Variants in ATP8A2 observed in about 807,000 individuals in gnomAD.
ATP8A2 encodes phospholipid-transporting ATPase IB.
In ATP8A2, 100 loss-of-function variants were observed where a neutral mutation model predicts 165.6. That is an observed-to-expected ratio of 0.60 (90% CI 0.51 to 0.71). ATP8A2 has a LOEUF of 0.71. Among genes scored for constraint, ATP8A2 ranks in the 30% least tolerant of loss-of-function variants. The pLI, the probability that ATP8A2 is intolerant of heterozygous loss-of-function variation, is 0.00. For synonymous variants in ATP8A2, 543 were observed against 548.8 expected (o/e 0.99, Z 0.15); for missense variants, 1,227 against 1,479.5 (o/e 0.83, Z 2.80).
intron 2 of ATP8A2, among the ~76,000 whole-genome samples, chr13:25,506,937 G>GCACATATATA (rs1234014087): frequency 1.5e-5 from 1 of 66,418 alleles, no homozygotes; most frequent in Admixed American, 1.4e-4. Flanking sequence ...ATACAGTACA[G>GCACATATATA]TACATATATA....
At chr13:25,748,541 C>T (rs2044085548) in intron 25 of ATP8A2, among the ~76,000 whole-genome samples, 1 of 152,212 alleles carries the variant, frequency 6.6e-6, no homozygotes, top group East Asian at 1.9e-4. Context: ...TCCTGATGCA[C>T]ACCATACTGG....
intron 25 of ATP8A2, among the ~76,000 whole-genome samples, chr13:25,762,535 T>C (rs927972143): frequency 5.3e-5 from 8 of 152,172 alleles, no homozygotes; most frequent in South Asian, 2.1e-4. Context: ...TGCACACTAA[T>C]AGCCTGCTCC....
At chr13:25,474,732 T>C (rs1403818935) in intron 2 of ATP8A2, among the ~76,000 whole-genome samples, 1 of 152,072 alleles carries the variant, frequency 6.6e-6, no homozygotes, top group Non-Finnish European at 1.5e-5. Context: ...AGGTTCGGGA[T>C]ATGTGTGCAG....
chr13:25,716,732 C>T (rs537721142), intron 25 of ATP8A2, among the ~76,000 whole-genome samples: 3 of 152,204 alleles, frequency 2.0e-5, no homozygotes, highest in African/African-American at 7.2e-5. Flanking sequence ...AAACATTGTT[C>T]CAGGCACTGG....
At chr13:25,533,473 T>C (rs530403564) in intron 6 of ATP8A2, among the ~76,000 whole-genome samples, 160 bp downstream of exon 6, 1 of 152,326 alleles carries the variant, frequency 6.6e-6, no homozygotes, top group Admixed American at 6.5e-5. Flanking sequence ...TTGCACCTTC[T>C]AGTAAGGGCC....
At chr13:25,596,608 T>C (rs2040242571) in intron 24 of ATP8A2, among the ~76,000 whole-genome samples, 1 of 152,210 alleles carries the variant, frequency 6.6e-6, no homozygotes, top group Non-Finnish European at 1.5e-5. Flanking sequence ...TGTTCATTCC[T>C]TTTTTCGCTG....
At chr13:25,745,263 A>T (rs773778187) in intron 25 of ATP8A2, among the ~76,000 whole-genome samples, 26 of 152,080 alleles carry the variant, frequency 1.7e-4, no homozygotes, top group Non-Finnish European at 3.4e-4. Flanking sequence ...GACTCGGCTT[A>T]GGAATTTGGA....
At chr13:25,404,398 G>A (rs1210883140) in intron 1 of ATP8A2, among the ~76,000 whole-genome samples, 1 of 152,208 alleles carries the variant, frequency 6.6e-6, no homozygotes, top group Admixed American at 6.5e-5. Flanking sequence ...CACCTGCAGG[G>A]TGGTGAAGAT....
intron 2 of ATP8A2, among the ~76,000 whole-genome samples, chr13:25,510,432 A>G (rs1369263488): frequency 6.6e-6 from 1 of 152,270 alleles, no homozygotes; most frequent in Non-Finnish European, 1.5e-5. Context: ...AATACGTTTT[A>G]GAATAAAGTG....
intron 33 of ATP8A2, among the ~76,000 whole-genome samples, chr13:25,874,415 C>G (rs1271477211): frequency 6.6e-6 from 1 of 152,226 alleles, no homozygotes; most frequent in Non-Finnish European, 1.5e-5. Context: ...GACCTACGTG[C>G]TCCTATTGTA....
chr13:26,016,291 C>A (rs527794812), intron 36 of ATP8A2, among the ~76,000 whole-genome samples: 302 of 152,288 alleles, frequency 2.0e-3, no homozygotes, highest in South Asian at 4.6e-3. Context: ...ACAGACCTCA[C>A]GTTGCTCTAC....
At chr13:25,675,262 G>A (rs909375449) in intron 24 of ATP8A2, among the ~76,000 whole-genome samples, 8 of 152,190 alleles carry the variant, frequency 5.3e-5, no homozygotes, top group Non-Finnish European at 1.2e-4. Flanking sequence ...ACCAGGTGGA[G>A]GAAACCATGT....
intron 24 of ATP8A2, chr13:25,591,126 A>G (rs1236659647): frequency 9.5e-6 from 3 of 316,210 alleles, no homozygotes; most frequent in East Asian, 1.7e-4. Flanking sequence ...TCATCATTGG[A>G]AATACTATGT....
chr13:25,490,326 C>T (rs2036486375), intron 2 of ATP8A2, among the ~76,000 whole-genome samples: 1 of 152,228 alleles, frequency 6.6e-6, no homozygotes. Context: ...CTTTAATTCC[C>T]ACAGCACTTT....
chr13:25,877,823 A>G (rs373650410), intron 33 of ATP8A2, among the ~76,000 whole-genome samples: 3 of 152,218 alleles, frequency 2.0e-5, no homozygotes, highest in Non-Finnish European at 4.4e-5. Context: ...CAGACATGTC[A>G]AGGAAAGTAG....
chr13:25,927,554 G>A (rs1954645928), intron 33 of ATP8A2, among the ~76,000 whole-genome samples: 1 of 152,184 alleles, frequency 6.6e-6, no homozygotes, highest in Non-Finnish European at 1.5e-5. Flanking sequence ...TGAGAAATAC[G>A]TGTCTCCACA....
chr13:25,684,953 GA>G (rs2042570087), intron 24 of ATP8A2, among the ~76,000 whole-genome samples: 1 of 152,170 alleles, frequency 6.6e-6, no homozygotes, highest in African/African-American at 2.4e-5. Context: ...TTTAAACCTT[GA>G]AAGTTGTCTT....
At chr13:25,650,123 G>C (rs1342429484) in intron 24 of ATP8A2, among the ~76,000 whole-genome samples, 6 of 152,168 alleles carry the variant, frequency 3.9e-5, no homozygotes, top group Non-Finnish European at 2.9e-5. Flanking sequence ...GTGAGGCCCT[G>C]GGCCAACTTG....
intron 25 of ATP8A2, among the ~76,000 whole-genome samples, chr13:25,743,264 C>G (rs1223497771): frequency 6.6e-6 from 1 of 152,010 alleles, no homozygotes; most frequent in Non-Finnish European, 1.5e-5. Context: ...GCAGCAACCA[C>G]CAGAGGCCGA....
Sources: gnomAD v4.1 joint callset for allele counts (sites outside exome capture counted in the v4.1 genomes callset) on GRCh38, gnomAD v4.1.1 for gene constraint, MANE v1.5 for transcripts, NCBI Gene and HGNC (gene_info 2026-07-23, HGNC 2026-07-21) for gene names.